MALRD1: variants seen among roughly 807,000 people sequenced by gnomAD.
MALRD1 encodes the protein MAM and LDL-receptor class A domain-containing protein 1.
Under a neutral mutation model 242.1 loss-of-function variants are expected in MALRD1, and 247 were observed. That is an observed-to-expected ratio of 1.02 (90% CI 0.92 to 1.13). The LOEUF (loss-of-function observed/expected upper bound fraction) is 1.13. Ranked by LOEUF, MALRD1 falls within the 50% of genes most tolerant of loss-of-function variation. The probability of loss-of-function intolerance (pLI) is 0.00; values close to 1 mark genes in which losing one functional copy is unlikely to be tolerated. For synonymous variants in MALRD1, 995 were observed against 866.6 expected, an observed-to-expected ratio of 1.15 and a Z score of -2.60; for missense variants, 2,989 against 2,533.1, an observed-to-expected ratio of 1.18 and a Z score of -3.86.
intron 4 of MALRD1, among the ~76,000 whole-genome samples, chr10:19,096,115 AAGATATT>A (rs1182061488): frequency 2.0e-5 from 3 of 152,182 alleles, no homozygotes; most frequent in Non-Finnish European, 2.9e-5. Context: ...TAAGAAGCAT[AAGATATT>A]AGAGTGTTGA....
rs550462198 is a variant in MALRD1, at chr10:19,459,025, A to G, written c.5029+8535A>G. 6.6e-5 allele frequency among the ~76,000 whole-genome samples: 10 copies of G among 152,264 alleles called. No homozygotes were observed. The East Asian group carries it at 1.9e-3, about 29-fold the overall frequency. The stretch of plus-strand genomic sequence containing the variant: ...CTAACACACAATGCAATATTACATA[A>G]AGAGACATTATTTAACATTGAGTTT... On this transcript the variant is annotated intron_variant, in intron 29 of 39. Transcript: ENST00000454679.
intron 14 of MALRD1, among the ~76,000 whole-genome samples, chr10:19,179,437 G>A (rs1256470888): frequency 6.6e-6 from 1 of 152,012 alleles, no homozygotes; most frequent in African/African-American, 2.4e-5. Flanking sequence ...ATCACTTGAG[G>A]CCAGGAGTTC....
chr10:19,534,199 C>G (rs370121889), intron 32 of MALRD1, among the ~76,000 whole-genome samples: 1 of 152,182 alleles, frequency 6.6e-6, no homozygotes, highest in African/African-American at 2.4e-5. Context: ...AGAAACTCAG[C>G]AAAAACTATT....
intron 31 of MALRD1, among the ~76,000 whole-genome samples, chr10:19,506,944 C>T (rs928298906): frequency 6.6e-6 from 1 of 152,034 alleles, no homozygotes; most frequent in African/African-American, 2.4e-5. Context: ...AGTTCTACAG[C>T]CTTTACAGGA....
intron 12 of MALRD1, among the ~76,000 whole-genome samples, chr10:19,165,355 C>T (rs983090177): frequency 1.3e-5 from 2 of 149,952 alleles, no homozygotes; most frequent in Non-Finnish European, 3.0e-5. Flanking sequence ...GGCTGGAGTG[C>T]AATGGCGTGA....
chr10:19,585,457 A>G (rs1837342781), intron 33 of MALRD1, among the ~76,000 whole-genome samples: 1 of 151,842 alleles, frequency 6.6e-6, no homozygotes, highest in Non-Finnish European at 1.5e-5. Context: ...CTTGTCTGTA[A>G]AGTATTTTAT....
At chr10:19,122,297 G>C (rs12763005) in intron 5 of MALRD1, among the ~76,000 whole-genome samples, 8,137 of 152,198 alleles carry the variant, frequency 0.053, 448 homozygotes, top group Admixed American at 0.17. Flanking sequence ...GCTGATGGTT[G>C]GGGAGTGGAC....
intron 36 of MALRD1, among the ~76,000 whole-genome samples, chr10:19,654,468 C>T (rs1250023728): frequency 6.6e-6 from 1 of 152,026 alleles, no homozygotes; most frequent in African/African-American, 2.4e-5. Context: ...GGACAAATGA[C>T]CATTATCAAT....
At chr10:19,215,548 G>C (rs1837272472) in intron 18 of MALRD1, among the ~76,000 whole-genome samples, 1 of 151,964 alleles carries the variant, frequency 6.6e-6, no homozygotes, top group African/African-American at 2.4e-5. Context: ...CAAACTTCTT[G>C]TAAAGCATCA....
intron 36 of MALRD1, among the ~76,000 whole-genome samples, chr10:19,641,073 T>C (rs1933895460): frequency 6.6e-6 from 1 of 152,172 alleles, no homozygotes; most frequent in African/African-American, 2.4e-5. Context: ...GAAAAAGACC[T>C]TTGGCATGCA....
At chr10:19,606,822 G>A (rs1222689630) in intron 34 of MALRD1, among the ~76,000 whole-genome samples, 1 of 152,114 alleles carries the variant, frequency 6.6e-6, no homozygotes, top group African/African-American at 2.4e-5. Context: ...AGCCTGAAAT[G>A]AGAAGTTCCC....
chr10:19,365,305 T>G (rs963273323), intron 26 of MALRD1, among the ~76,000 whole-genome samples: 1 of 152,222 alleles, frequency 6.6e-6, no homozygotes, highest in East Asian at 1.9e-4. Context: ...ATGATTTTTT[T>G]TGTGGTTACC....
chr10:19,285,535 T>C (rs1841069084), intron 21 of MALRD1, among the ~76,000 whole-genome samples: 1 of 151,906 alleles, frequency 6.6e-6, no homozygotes, highest in Admixed American at 6.6e-5. Flanking sequence ...CTTGTTTTTC[T>C]CAGGTTCGTC....
chr10:19,154,554 C>T lies in MALRD1; in HGVS notation c.1559-521C>T, dbSNP rs74120753. ...GCACATTTGCCATGAGCACATCCGT[C>T]GTAGTTAAAATCTAAAAGCGGTGAT... On this transcript the variant is annotated intron_variant, in intron 11 of 39. Coordinates refer to ENST00000454679, the MANE Select transcript of MALRD1 (RefSeq NM_001142308.3). Among the ~76,000 whole-genome samples the T allele has an allele frequency of 3.5e-3, 534 of 152,224 alleles. 4 individuals are homozygous for T. The highest frequency in any genetic ancestry group is 0.012 in the African/African-American group (506 of 41,534).
At chr10:19,367,518 T>C (rs1845158850) in intron 26 of MALRD1, among the ~76,000 whole-genome samples, 2 of 152,132 alleles carry the variant, frequency 1.3e-5, no homozygotes, top group Non-Finnish European at 1.5e-5. Flanking sequence ...TCACTTGTTA[T>C]TGGACACCTA....
intron 31 of MALRD1, among the ~76,000 whole-genome samples, chr10:19,505,758 A>G (rs1833095999): frequency 6.6e-6 from 1 of 152,178 alleles, no homozygotes; most frequent in South Asian, 2.1e-4. Context: ...CTGCTCGCAT[A>G]AATGGCTTTC....
At chr10:19,346,289 G>A (rs1844120645) in intron 24 of MALRD1, among the ~76,000 whole-genome samples, 1 of 152,154 alleles carries the variant, frequency 6.6e-6, no homozygotes, top group Non-Finnish European at 1.5e-5. Flanking sequence ...TAGAGTACAT[G>A]ATTTGTCCAG....
chr10:19,594,592 A>G (rs1386080145), intron 33 of MALRD1, among the ~76,000 whole-genome samples: 2 of 152,190 alleles, frequency 1.3e-5, no homozygotes, highest in African/African-American at 2.4e-5. Flanking sequence ...CCAAATGCCC[A>G]TCAATCAACA....
chr10:19,463,506 G>C lies in MALRD1; in HGVS notation c.5029+13016G>C, dbSNP rs1836050251. Reference sequence around the variant, plus strand: ...AACAGTCTCTAGTTCCATCCAGGTTGCTGCAAATGCCAAATGCCACTAATT... The same window carrying C: ...AACAGTCTCTAGTTCCATCCAGGTTCCTGCAAATGCCAAATGCCACTAATT... On this transcript the variant is annotated intron_variant, in intron 29 of 39. Coordinates refer to ENST00000454679, the MANE Select transcript of MALRD1 (RefSeq NM_001142308.3). 2.0e-5 allele frequency among the ~76,000 whole-genome samples: 3 copies of C among 151,832 alleles called. No homozygotes were observed. In the South Asian group the frequency reaches 6.2e-4, roughly 32 times the overall value.
Sources: allele counts gnomAD v4.1 joint callset (sites outside exome capture counted in the v4.1 genomes callset), GRCh38; gene constraint gnomAD v4.1.1; transcripts MANE v1.5; gene names NCBI Gene and HGNC (gene_info 2026-07-23, HGNC 2026-07-21).